ZDHHC20: variants seen among roughly 807,000 people sequenced by gnomAD.
ZDHHC20 encodes zDHHC palmitoyltransferase 20.
Under a neutral mutation model 57.8 loss-of-function variants are expected in ZDHHC20, and 43 were observed. The observed-to-expected ratio is 0.74, with a 90% CI of 0.58 to 0.96. The LOEUF (loss-of-function observed/expected upper bound fraction) is 0.96, where lower values mean the gene tolerates loss of function less well. Among genes scored for constraint, ZDHHC20 ranks in the 40% least tolerant of loss-of-function variants. The probability of loss-of-function intolerance (pLI) is 0.00; values close to 1 mark genes in which losing one functional copy is unlikely to be tolerated. For synonymous variants in ZDHHC20, 157 were observed against 153.0 expected (o/e 1.03, Z -0.19); for missense variants, 391 against 441.1 (o/e 0.89, Z 1.02).
At chr13:21,378,768 C>CA (rs751093398) in intron 11 of ZDHHC20, 30 bp from the exon 12 acceptor site, 36,792 of 682,878 alleles carry the variant, frequency 0.054, 19 homozygotes, top group East Asian at 0.12. Flanking sequence ...TATGACATGA[C>CA]AAAAAAAAAA....
chr13:21,409,273 C>T (rs2137838198), intron 4 of ZDHHC20, among the ~76,000 whole-genome samples: 1 of 152,288 alleles, frequency 6.6e-6, no homozygotes, highest in Non-Finnish European at 1.5e-5. Flanking sequence ...TTAACTACTG[C>T]CTCAATTTCA....
Position 21,459,062 on chromosome 13 carries a change from A to AGC in ZDHHC20, c.108_109dup (p.Leu37ArgfsTer36). The AGC allele has an allele frequency of 6.3e-7, 1 of 1,598,128 alleles. No individual in the cohort carries two copies. Among genetic ancestry groups the AGC allele is most frequent in the Non-Finnish European group, 8.5e-7 (1 of 1,173,568 alleles). On this transcript the variant is annotated frameshift_variant, in exon 1 of 13. Coordinates refer to ENST00000400590, the MANE Select transcript of ZDHHC20 (RefSeq NM_001330059.2). LOFTEE classifies it high-confidence loss of function. ...CCGGGGACGGTACTCACACACGCAG[A>AGC]GCTCCACCACGTACGCGTAGTAGGA...
At chr13:21,417,033 A>G (rs917674189) in intron 3 of ZDHHC20, among the ~76,000 whole-genome samples, 1 of 152,214 alleles carries the variant, frequency 6.6e-6, no homozygotes, top group Non-Finnish European at 1.5e-5. Context: ...TTAAGTCTTT[A>G]TCAATCGGCC....
At chr13:21,455,814 T>C (rs1884878714) in intron 1 of ZDHHC20, among the ~76,000 whole-genome samples, 1 of 152,086 alleles carries the variant, frequency 6.6e-6, no homozygotes, top group African/African-American at 2.4e-5. Context: ...GCAGCTGCCT[T>C]TTAGGAGAAA....
At chr13:21,456,454 T>C (rs1449115129) in intron 1 of ZDHHC20, among the ~76,000 whole-genome samples, 1 of 152,150 alleles carries the variant, frequency 6.6e-6, no homozygotes, top group East Asian at 1.9e-4. Flanking sequence ...ATAAAAGTAT[T>C]AAAACAGCAC....
At chr13:21,414,291 AC>A (rs1879633117) in intron 3 of ZDHHC20, among the ~76,000 whole-genome samples, 1 of 148,784 alleles carries the variant, frequency 6.7e-6, no homozygotes, top group African/African-American at 2.5e-5. Context: ...ACTTAGTTTC[AC>A]CAGAATTATG....
Position 21,394,326 on chromosome 13 carries a change from G to C in ZDHHC20, c.595-2472C>G, listed in dbSNP as rs370886593. On this transcript the variant is annotated intron_variant, in intron 7 of 12. Transcript: ENST00000400590. ...ATCCATTAATTCCCTTCAAGTTTTT[G>C]CTTAAATCCTACCTTCTAAATAAGG... is the stretch of plus-strand genomic sequence containing the variant. Among the ~76,000 whole-genome samples, 16 of 152,218 alleles carry C rather than the reference G, an allele frequency of 1.1e-4. No homozygotes were observed. In the South Asian group the frequency reaches 3.3e-3, roughly 32 times the overall value.
rs376263181 is a variant in ZDHHC20, at chr13:21,440,068, G to GA, written c.119-14391dup. 8.3e-3 allele frequency among the ~76,000 whole-genome samples: 742 copies of GA among 89,724 alleles called. 48 individuals carry two copies. The highest frequency in any genetic ancestry group is 0.021 in the African/African-American group (465 of 21,822). 58.9% of individuals were successfully genotyped at this position (89,724 alleles called of 152,430 possible). A position where few individuals can be genotyped will look rare whatever the true frequency, so the allele number is the denominator to read the frequency against. On this transcript the variant is annotated intron_variant, in intron 1 of 12. Transcript: ENST00000400590. ...GGCGACAGAGTAAGACTGTTTCTCA[G>GA]AAAAAAAAAAAAAAAAAAAAAAAAA...
intron 7 of ZDHHC20, among the ~76,000 whole-genome samples, chr13:21,396,285 A>G (rs1395240185): frequency 6.6e-6 from 1 of 152,236 alleles, no homozygotes; most frequent in Non-Finnish European, 1.5e-5. Flanking sequence ...CTACATTGTA[A>G]AACACCTTCA....
At chr13:21,458,361 T>A (rs958217130) in intron 1 of ZDHHC20, among the ~76,000 whole-genome samples, 7 of 152,186 alleles carry the variant, frequency 4.6e-5, no homozygotes, top group Non-Finnish European at 1.0e-4. Flanking sequence ...GCCTCCTTAA[T>A]AATCAGCCAA....
chr13:21,454,894 A>G (rs918373246), intron 1 of ZDHHC20, among the ~76,000 whole-genome samples: 1 of 151,860 alleles, frequency 6.6e-6, no homozygotes, highest in Non-Finnish European at 1.5e-5. Context: ...AACAAACAAC[A>G]TAGCTCTTTT....
At chr13:21,445,103 T>C (rs1443802541) in intron 1 of ZDHHC20, among the ~76,000 whole-genome samples, 1 of 151,874 alleles carries the variant, frequency 6.6e-6, no homozygotes, top group East Asian at 1.9e-4. Context: ...GTATGTTTTA[T>C]ATATTTATAT....
chr13:21,383,125 A>C (rs1165334078), intron 9 of ZDHHC20, 116 bp from the exon 10 acceptor site: 1 of 941,664 alleles, frequency 1.1e-6, no homozygotes, highest in Non-Finnish European at 1.6e-6. Context: ...TCATATAAGG[A>C]AGTAACTCCT....
intron 7 of ZDHHC20, among the ~76,000 whole-genome samples, chr13:21,396,250 C>CA (rs1292070507): frequency 1.3e-5 from 2 of 152,148 alleles, no homozygotes; most frequent in Non-Finnish European, 2.9e-5. Flanking sequence ...CTATTGGCCT[C>CA]ACCATACCTG....
chr13:21,459,287 G>A lies in ZDHHC20; in HGVS notation c.-116C>T. Reference sequence around the variant, plus strand: ...CTGGTCCAGCTCCCCCGCCTCCGAGGCAGGACTTGTGGGAGCAAAAGTCCG... The same window carrying A: ...CTGGTCCAGCTCCCCCGCCTCCGAGACAGGACTTGTGGGAGCAAAAGTCCG... On this transcript the variant is annotated 5_prime_UTR_variant, in exon 1 of 13. Transcript: ENST00000400590. The A allele has an allele frequency of 1.3e-6, 1 of 743,222 alleles. No individual in the cohort carries two copies. Among genetic ancestry groups the A allele is most frequent in the Non-Finnish European group, 2.1e-6 (1 of 486,678 alleles). The allele number at this position is 743,222 out of a possible 1,614,324, so 46.0% of individuals were successfully genotyped here.
At chr13:21,402,277 A>C (rs1877763890) in intron 5 of ZDHHC20, among the ~76,000 whole-genome samples, 1 of 152,112 alleles carries the variant, frequency 6.6e-6, no homozygotes, top group Non-Finnish European at 1.5e-5. Flanking sequence ...TATTCTATAA[A>C]ATTTTACCCT....
chr13:21,423,993 T>C (rs1880958528), intron 2 of ZDHHC20, among the ~76,000 whole-genome samples: 1 of 152,058 alleles, frequency 6.6e-6, no homozygotes, highest in Admixed American at 6.6e-5. Flanking sequence ...TTTAAAAACA[T>C]TTAATATAAT....
In ZDHHC20 at chr13:21,418,433, TTC is replaced by T. The variant is rs534196086; in HGVS notation, c.249+2626_249+2627del. 8.3e-4 allele frequency among the ~76,000 whole-genome samples: 127 copies of T among 152,318 alleles called. 1 individual carries two copies. The highest frequency in any genetic ancestry group is 2.9e-3 in the African/African-American group (122 of 41,552). ...GGTACTTATTAGGTGCTAAGCATTC[TTC>T]TGAGCCCTTTATATACACTATTAAC... On this transcript the variant is annotated intron_variant, in intron 3 of 12. Transcript: ENST00000400590.
intron 2 of ZDHHC20, among the ~76,000 whole-genome samples, chr13:21,423,102 T>C (rs1019793621): frequency 5.3e-5 from 8 of 152,192 alleles, no homozygotes; most frequent in African/African-American, 1.9e-4. Flanking sequence ...TCATATCTGT[T>C]TGACAAAAAT....
Sources: gnomAD v4.1 joint callset for allele counts (sites outside exome capture counted in the v4.1 genomes callset) on GRCh38, gnomAD v4.1.1 for gene constraint, MANE v1.5 for transcripts, NCBI Gene and HGNC (gene_info 2026-07-23, HGNC 2026-07-21) for gene names.